BAZ2B: variants seen among roughly 807,000 people sequenced by gnomAD.
BAZ2B encodes the protein bromodomain adjacent to zinc finger domain protein 2B.
A neutral mutation model predicts 246.0 loss-of-function variants in BAZ2B; 91 were observed. The ratio of observed to expected loss-of-function variants is 0.37; its 90% CI spans 0.31 to 0.44. The LOEUF (loss-of-function observed/expected upper bound fraction) is 0.44. Among genes scored for constraint, BAZ2B ranks in the 20% least tolerant of loss-of-function variants. The probability of loss-of-function intolerance (pLI) is 1.00; values close to 1 mark genes in which losing one functional copy is unlikely to be tolerated. For missense variants in BAZ2B, 2,332 were observed against 2,533.7 expected, an observed-to-expected ratio of 0.92 and a Z score of 1.71; for synonymous variants, 855 against 860.0, an observed-to-expected ratio of 0.99 and a Z score of 0.10.
chr2:159,621,389 A>G (rs980389336), upstream of BAZ2B, among the ~76,000 whole-genome samples: 6 of 152,202 alleles, frequency 3.9e-5, no homozygotes, highest in African/African-American at 1.4e-4. Context: ...ATCCCTGATT[A>G]AGAACACGGC....
At chr2:159,472,696 G>A (rs1205500618) in intron 3 of BAZ2B, among the ~76,000 whole-genome samples, 2 of 152,156 alleles carry the variant, frequency 1.3e-5, no homozygotes, top group Non-Finnish European at 2.9e-5. Context: ...TAGCATGAAG[G>A]GGTGTTGAAT....
chr2:159,652,356 C>T, the BAZ2B span, among the ~76,000 whole-genome samples: 383 of 152,096 alleles, frequency 2.5e-3, 2 homozygotes, highest in African/African-American at 8.6e-3. Context: ...ATTATAGGCG[C>T]GTGCCACAAC....
intron 2 of BAZ2B, among the ~76,000 whole-genome samples, chr2:159,553,094 A>G (rs998231751): frequency 9.2e-5 from 14 of 152,094 alleles, no homozygotes; most frequent in African/African-American, 2.7e-4. Flanking sequence ...CTTGAGTAAT[A>G]GAAAATATGC....
intron 3 of BAZ2B, among the ~76,000 whole-genome samples, chr2:159,466,315 CA>C (rs1045544680): frequency 6.6e-6 from 1 of 152,148 alleles, no homozygotes; most frequent in African/African-American, 2.4e-5. Context: ...ACTTATTAAT[CA>C]GAGTTAATTA....
At position 159,341,960 on chromosome 2, in the gene BAZ2B, C is replaced by T. The variant is rs73006752; in HGVS notation, c.5455-4188G>A. On this transcript the variant is annotated intron_variant, in intron 31 of 36. Transcript: ENST00000392783. ...CAATCTAGCAATGCCCTTCAAGTAA[C>T]TGGAAATGCAAGAACAAATCAAACC... Among the ~76,000 whole-genome samples, 507 of 152,138 alleles carry T rather than the reference C, an allele frequency of 3.3e-3. 3 individuals are homozygous for T. Among genetic ancestry groups the T allele is most frequent in the African/African-American group, 0.012 (480 of 41,510 alleles).
the BAZ2B span, among the ~76,000 whole-genome samples, chr2:159,702,516 A>T: frequency 6.6e-6 from 1 of 152,198 alleles, no homozygotes; most frequent in African/African-American, 2.4e-5. Context: ...TTACAAAAAA[A>T]TTTTTATTTT....
At chr2:159,525,679 T>C (rs555406880) in intron 2 of BAZ2B, among the ~76,000 whole-genome samples, 1 of 152,250 alleles carries the variant, frequency 6.6e-6, no homozygotes, top group South Asian at 2.1e-4. Context: ...AGATAAGGAA[T>C]ACTCAACCTG....
intron 31 of BAZ2B, among the ~76,000 whole-genome samples, chr2:159,340,575 G>A (rs2066489053): frequency 6.6e-6 from 1 of 151,926 alleles, no homozygotes; most frequent in South Asian, 2.1e-4. Context: ...GACTAACATT[G>A]GATTTCTCAG....
intron 3 of BAZ2B, among the ~76,000 whole-genome samples, chr2:159,476,720 A>G (rs1194228881): frequency 2.6e-5 from 4 of 152,254 alleles, no homozygotes; most frequent in Non-Finnish European, 5.9e-5. Flanking sequence ...AGAAATAAAT[A>G]AGACAGCAGA....
the BAZ2B span, among the ~76,000 whole-genome samples, chr2:159,631,717 T>C: frequency 1.3e-5 from 2 of 152,174 alleles, no homozygotes; most frequent in Admixed American, 6.5e-5. Flanking sequence ...ATAATTATAC[T>C]AAAAAAACCT....
intron 1 of BAZ2B, among the ~76,000 whole-genome samples, chr2:159,603,692 A>G (rs1389606252): frequency 6.6e-6 from 1 of 151,992 alleles, no homozygotes. Flanking sequence ...ACAAAACCCC[A>G]AAACTATTTA....
chr2:159,422,639 T>C (rs2068970434), intron 13 of BAZ2B, among the ~76,000 whole-genome samples: 1 of 151,994 alleles, frequency 6.6e-6, no homozygotes, highest in African/African-American at 2.4e-5. Context: ...ACCTAGGAAA[T>C]ACCATTCTGA....
intron 20 of BAZ2B, among the ~76,000 whole-genome samples, chr2:159,391,043 T>C (rs75224806): frequency 0.012 from 1,761 of 152,270 alleles, 7 homozygotes; most frequent in Middle Eastern, 0.034. Context: ...ACCGGTAGAA[T>C]AACTTTTTTC....
chr2:159,647,007 TC>T, the BAZ2B span, among the ~76,000 whole-genome samples: 1 of 152,096 alleles, frequency 6.6e-6, no homozygotes, highest in African/African-American at 2.4e-5. Context: ...CCACAATCAT[TC>T]ATTAAACATA....
the BAZ2B span, among the ~76,000 whole-genome samples, chr2:159,702,743 T>A: frequency 6.6e-6 from 1 of 152,052 alleles, no homozygotes; most frequent in Non-Finnish European, 1.5e-5. Flanking sequence ...CAAAAACATG[T>A]TTAAAACTTT....
chr2:159,663,334 T>C, the BAZ2B span, among the ~76,000 whole-genome samples: 1 of 151,786 alleles, frequency 6.6e-6, no homozygotes, highest in African/African-American at 2.4e-5. Context: ...CCCAAGTAGC[T>C]GGGATTACAG....
At chr2:159,636,767 T>C in the BAZ2B span, among the ~76,000 whole-genome samples, 2 of 152,106 alleles carry the variant, frequency 1.3e-5, no homozygotes, top group Non-Finnish European at 2.9e-5. Flanking sequence ...ATCCAGCTTG[T>C]AGCAATGAAA....
chr2:159,374,077 T>TC (rs1491294452), intron 26 of BAZ2B, among the ~76,000 whole-genome samples: 1 of 9,614 alleles, frequency 1.0e-4, no homozygotes, highest in East Asian at 3.2e-3. Flanking sequence ...TTTTTTTTTC[T>TC]TTTTTTTTTT....
chr2:159,362,455 G>C (rs2149302071), intron 27 of BAZ2B, among the ~76,000 whole-genome samples: 1 of 152,310 alleles, frequency 6.6e-6, no homozygotes, highest in East Asian at 1.9e-4. Context: ...CTCTTGGAGT[G>C]CTCTTGCTGC....
Sources: allele counts gnomAD v4.1 joint callset (sites outside exome capture counted in the v4.1 genomes callset), GRCh38; gene constraint gnomAD v4.1.1; transcripts MANE v1.5; gene names NCBI Gene and HGNC (gene_info 2026-07-23, HGNC 2026-07-21).